HACE1: variants seen among roughly 807,000 people sequenced by gnomAD.
The protein encoded by HACE1 is HECT domain and ankyrin repeat containing E3 ubiquitin protein ligase 1.
Under a neutral mutation model 118.4 loss-of-function variants are expected in HACE1, and 73 were observed. That is an observed-to-expected ratio of 0.62 (90% confidence interval 0.51 to 0.75). HACE1 has a LOEUF of 0.75. Ranked by LOEUF, HACE1 falls within the 30% of genes least tolerant of loss-of-function variation. HACE1 has a pLI of 0.00. For missense variants in HACE1, 749 were observed against 1,102.2 expected (o/e 0.68, Z 4.54); for synonymous variants, 368 against 374.8 (o/e 0.98, Z 0.21).
chr6:104,849,085 A>G (rs756900438), intron 4 of HACE1, 57 bp downstream of exon 4: 8 of 962,662 alleles, frequency 8.3e-6, no homozygotes, highest in Non-Finnish European at 1.2e-5. Context: ...ACGAAGGCAA[A>G]GTGCCTTGAA....
intron 6 of HACE1, among the ~76,000 whole-genome samples, chr6:104,827,225 GA>G (rs1485934042): frequency 6.6e-6 from 1 of 151,968 alleles, no homozygotes; most frequent in Non-Finnish European, 1.5e-5. Context: ...AAGTAAAAAG[GA>G]ATAGATATTC....
chr6:104,735,071 G>T (rs1245269386), intron 22 of HACE1, among the ~76,000 whole-genome samples: 1 of 151,810 alleles, frequency 6.6e-6, no homozygotes, highest in Non-Finnish European at 1.5e-5. Context: ...TAGGAGTAGG[G>T]AAGGATTTAC....
At chr6:104,812,721 C>T (rs893601749) in intron 6 of HACE1, among the ~76,000 whole-genome samples, 14 of 152,014 alleles carry the variant, frequency 9.2e-5, no homozygotes, top group African/African-American at 3.4e-4. Context: ...CAATAAGCAA[C>T]TCAATTCTTA....
chr6:104,742,617 G>T (rs12177561), intron 22 of HACE1, among the ~76,000 whole-genome samples: 3 of 149,674 alleles, frequency 2.0e-5, no homozygotes, highest in Admixed American at 1.3e-4. Context: ...ATGAGATACC[G>T]TCTCACACCA....
Position 104,744,536 on chromosome 6 carries a change from A to G in HACE1, c.2418T>C (p.Tyr806=). 6.3e-7 allele frequency: 1 copy of G among 1,592,650 alleles called. No homozygotes were observed. Among genetic ancestry groups the G allele is most frequent in the Non-Finnish European group, 8.6e-7 (1 of 1,160,504 alleles). The change falls in exon 21 of 24, where the codon TAT becomes TAC. Residue 806 remains tyrosine (Y), a synonymous_variant. Coordinates refer to ENST00000262903, the MANE Select transcript of HACE1 (RefSeq NM_020771.4). Reference sequence around the variant, plus strand: ...CCTGAATAACTGGATCTTCTCTTTCATAGCCACTTGTGTATTCTGTATTTT... The same window carrying G: ...CCTGAATAACTGGATCTTCTCTTTCGTAGCCACTTGTGTATTCTGTATTTT... ...WIKNTEYTSG[Y]EREDPVIQWF... is the part of the protein sequence containing the mutation.
chr6:104,817,790 A>G (rs1424047778), intron 6 of HACE1, among the ~76,000 whole-genome samples: 1 of 152,220 alleles, frequency 6.6e-6, no homozygotes. Context: ...TCACTACTTG[A>G]CTGAGCAGTA....
rs148953538 is a variant in HACE1, at chr6:104,834,839, T to A, written c.403-1666A>T. Among the ~76,000 whole-genome samples the A allele has an allele frequency of 3.1e-3, 479 of 152,304 alleles. 3 individuals carry two copies. Among genetic ancestry groups the A allele is most frequent in the African/African-American group, 0.011 (461 of 41,564 alleles). ...CACCTCTTGAAAAGAGGTTGAAAGTTTATTTAATAAGATTTAGAGCCTCAT... is the reference window on the plus strand; with the variant it reads ...CACCTCTTGAAAAGAGGTTGAAAGTATATTTAATAAGATTTAGAGCCTCAT... On this transcript the variant is annotated intron_variant, in intron 5 of 23. Transcript: ENST00000262903.
intron 6 of HACE1, among the ~76,000 whole-genome samples, chr6:104,811,688 C>T (rs1190944753): frequency 6.6e-6 from 1 of 151,992 alleles, no homozygotes; most frequent in African/African-American, 2.4e-5. Flanking sequence ...ATATTGGCTA[C>T]CAAGTACTTG....
rs1252298367 is a variant in HACE1, at chr6:104,859,874, C to G, written c.-232G>C. On this transcript the variant is annotated 5_prime_UTR_variant, in exon 1 of 24. Transcript: ENST00000262903. ...GCCGCCGCCTCTGCTCGCGCCTTTC[C>G]TGCAGCCCCCGCCGCCGCGTCCCTC... The G allele has an allele frequency of 2.0e-6, 1 of 489,342 alleles. No individual in the cohort carries two copies. Among genetic ancestry groups the G allele is most frequent in the Non-Finnish European group, 3.6e-6 (1 of 278,170 alleles). 30.3% of individuals were successfully genotyped at this position (489,342 alleles called of 1,614,324 possible). A position where few individuals can be genotyped will look rare whatever the true frequency, so the allele number is the denominator to read the frequency against.
chr6:104,751,973 G>GA (rs1356611305), intron 19 of HACE1, among the ~76,000 whole-genome samples: 8 of 148,670 alleles, frequency 5.4e-5, no homozygotes, highest in Non-Finnish European at 1.0e-4. Context: ...AAAAACAGGG[G>GA]AAAAAAAGAC....
chr6:104,742,406 T>G (rs1776852251), intron 22 of HACE1, among the ~76,000 whole-genome samples: 1 of 149,498 alleles, frequency 6.7e-6, no homozygotes, highest in East Asian at 1.9e-4. Context: ...TTTCACAACC[T>G]ACTCATCTGA....
intron 20 of HACE1, among the ~76,000 whole-genome samples, chr6:104,746,672 T>C (rs1345393993): frequency 6.6e-6 from 1 of 152,230 alleles, no homozygotes; most frequent in Non-Finnish European, 1.5e-5. Flanking sequence ...AGTCTGTGGA[T>C]GTCTCACTAG....
At chr6:104,803,526 C>G (rs1024240712) in intron 7 of HACE1, among the ~76,000 whole-genome samples, 2 of 152,112 alleles carry the variant, frequency 1.3e-5, no homozygotes, top group Non-Finnish European at 2.9e-5. Flanking sequence ...ACGATCAAGT[C>G]GGCTTCATCC....
chr6:104,751,699 T>C (rs1176149147), intron 19 of HACE1, among the ~76,000 whole-genome samples: 1 of 152,158 alleles, frequency 6.6e-6, no homozygotes, highest in Admixed American at 6.5e-5. Context: ...AAATGAATTA[T>C]ATACAGAGAG....
At chr6:104,776,213 T>C (rs1781214926) in intron 17 of HACE1, among the ~76,000 whole-genome samples, 1 of 152,184 alleles carries the variant, frequency 6.6e-6, no homozygotes, top group South Asian at 2.1e-4. Flanking sequence ...TATACATAAA[T>C]AGATTAAGAG....
intron 19 of HACE1, among the ~76,000 whole-genome samples, chr6:104,753,047 C>T (rs1562292249): frequency 6.6e-6 from 1 of 152,118 alleles, no homozygotes; most frequent in African/African-American, 2.4e-5. Flanking sequence ...AAATCTAAGT[C>T]GAACTGCTTC....
intron 19 of HACE1, among the ~76,000 whole-genome samples, chr6:104,765,565 ACT>A (rs1372455256): frequency 6.6e-6 from 1 of 152,248 alleles, no homozygotes; most frequent in Non-Finnish European, 1.5e-5. Flanking sequence ...GAATTTCACC[ACT>A]GTTTTGTGAT....
At chr6:104,781,957 G>A (rs1037828707) in intron 14 of HACE1, among the ~76,000 whole-genome samples, 3 of 152,110 alleles carry the variant, frequency 2.0e-5, no homozygotes, top group African/African-American at 7.2e-5. Flanking sequence ...GTCCAGGAAG[G>A]GAAAAAGGAA....
At position 104,784,079 on chromosome 6, in the gene HACE1, T is replaced by C; in HGVS notation, c.1566+7A>G. The C allele has an allele frequency of 6.8e-7, 1 of 1,471,662 alleles. No homozygotes were observed. The highest frequency in any genetic ancestry group is 9.5e-7 in the Non-Finnish European group (1 of 1,050,550). The allele number at this position is 1,471,662 out of a possible 1,614,324, so 91.2% of individuals were successfully genotyped here. A position where few individuals can be genotyped will look rare whatever the true frequency, so the allele number is the denominator to read the frequency against. ...GATAGAATAAAAAGATGAAGAAAAATTTCTACCTGTGCTTTTATGATATGC... is the reference window on the plus strand; with the variant it reads ...GATAGAATAAAAAGATGAAGAAAAACTTCTACCTGTGCTTTTATGATATGC... On this transcript the variant is annotated splice_region_variant and intron_variant, in intron 14 of 23. Transcript: ENST00000262903.
Sources: allele counts gnomAD v4.1 joint callset (sites outside exome capture counted in the v4.1 genomes callset), GRCh38; gene constraint gnomAD v4.1.1; transcripts MANE v1.5; gene names NCBI Gene and HGNC (gene_info 2026-07-23, HGNC 2026-07-21).